TTLL11: variants seen among roughly 807,000 people sequenced by gnomAD.
TTLL11 encodes tubulin tyrosine ligase like 11, also known as tubulin polyglutamylase TTLL11.
In TTLL11, 42 loss-of-function variants were observed where a neutral mutation model predicts 51.7. The observed-to-expected ratio is 0.81, with a 90% confidence interval of 0.64 to 1.05. TTLL11 has a LOEUF of 1.05. Ranked by LOEUF, TTLL11 falls within the 50% of genes least tolerant of loss-of-function variation. The pLI is 0.00. For missense variants in TTLL11, 799 were observed against 940.4 expected (o/e 0.85, Z 1.97); for synonymous variants, 381 against 383.5 (o/e 0.99, Z 0.08).
chr9:121,826,868 C>T (rs1836825175), intron 8 of TTLL11, among the ~76,000 whole-genome samples: 1 of 151,946 alleles, frequency 6.6e-6, no homozygotes, highest in East Asian at 1.9e-4. Flanking sequence ...GGGTGGTCGA[C>T]TGGGCTGAGA....
chr9:122,071,900 C>T (rs1007116822), intron 1 of TTLL11, among the ~76,000 whole-genome samples: 6 of 152,162 alleles, frequency 3.9e-5, no homozygotes, highest in African/African-American at 1.4e-4. Flanking sequence ...ACCAGCTGCT[C>T]GCCAGATGTT....
At chr9:121,935,607 GTAAGGAGAATGAAACAGATGGAAGT>G (rs1290029792) in intron 6 of TTLL11, among the ~76,000 whole-genome samples, 1 of 152,240 alleles carries the variant, frequency 6.6e-6, no homozygotes, top group Non-Finnish European at 1.5e-5. Context: ...TTTGGCTGCT[GTAAGGAGAATGAAACAGATGGAAGT>G]TAAGAGTGGA....
At chr9:121,969,563 A>G (rs950002268) in intron 6 of TTLL11, among the ~76,000 whole-genome samples, 1 of 152,204 alleles carries the variant, frequency 6.6e-6, no homozygotes, top group African/African-American at 2.4e-5. Context: ...TGTGTGAGGA[A>G]GTGAAGACCC....
At chr9:121,829,367 G>A (rs1343910520) in intron 8 of TTLL11, among the ~76,000 whole-genome samples, 1 of 152,050 alleles carries the variant, frequency 6.6e-6, no homozygotes, top group South Asian at 2.1e-4. Flanking sequence ...GAAGACATCC[G>A]GCCCCATCCA....
intron 7 of TTLL11, among the ~76,000 whole-genome samples, chr9:121,863,507 C>T (rs866924849): frequency 1.3e-5 from 2 of 152,142 alleles, no homozygotes; most frequent in African/African-American, 2.4e-5. Context: ...AGTGTCAAAC[C>T]TTTAGCAGGA....
intron 3 of TTLL11, among the ~76,000 whole-genome samples, chr9:122,026,298 C>T (rs1317500746): frequency 6.6e-6 from 1 of 151,036 alleles, no homozygotes; most frequent in African/African-American, 2.5e-5. Flanking sequence ...ATTAGCTGGA[C>T]ATGGTGGCAC....
In TTLL11 at chr9:121,817,407, G is replaced by C. The variant is rs1481822554; in HGVS notation, c.*5180C>G. Reference sequence around the variant, plus strand: ...TCCCTTCACACTTTGTAGGAAGCCAGTAGCCAGGCTGAAGATAACACTACG... The same window carrying C: ...TCCCTTCACACTTTGTAGGAAGCCACTAGCCAGGCTGAAGATAACACTACG... On this transcript the variant is annotated 3_prime_UTR_variant, in exon 9 of 9. Transcript: ENST00000321582. 1 of 152,232 alleles carries C rather than the reference G, an allele frequency of 6.6e-6. No individual in the cohort carries two copies. Among genetic ancestry groups the C allele is most frequent in the Non-Finnish European group, 1.5e-5 (1 of 68,036 alleles). 9.4% of individuals were successfully genotyped at this position (152,232 alleles called of 1,614,324 possible). A position where few individuals can be genotyped will look rare whatever the true frequency, so the allele number is the denominator to read the frequency against.
rs746052816 is a variant in TTLL11, at chr9:121,853,176, C to A, written c.1840+7161G>T. On this transcript the variant is annotated intron_variant, in intron 8 of 8. Coordinates refer to ENST00000321582, the MANE Select transcript of TTLL11 (RefSeq NM_001139442.2). The surrounding 1 kb of genome is among the most constrained non-coding windows in gnomAD (Gnocchi z 5.6). Reference sequence around the variant, plus strand: ...CACCCATGGGATTGGTGGGTTGCCGCGGCTGAGCCCTGGTCCATGGGACAT... The same window carrying A: ...CACCCATGGGATTGGTGGGTTGCCGAGGCTGAGCCCTGGTCCATGGGACAT... Among the ~76,000 whole-genome samples the A allele has an allele frequency of 2.0e-5, 3 of 152,296 alleles. No individual in the cohort carries two copies. The highest frequency in any genetic ancestry group is 7.2e-5 in the African/African-American group (3 of 41,558).
intron 6 of TTLL11, among the ~76,000 whole-genome samples, chr9:121,972,593 G>C (rs933547779): frequency 6.6e-6 from 1 of 152,244 alleles, no homozygotes; most frequent in Non-Finnish European, 1.5e-5. Flanking sequence ...CAAGAACTCA[G>C]CCGGGCCGGC....
chr9:121,826,522 T>C (rs1588050724), intron 8 of TTLL11, among the ~76,000 whole-genome samples: 1 of 61,578 alleles, frequency 1.6e-5, no homozygotes, highest in African/African-American at 7.3e-5. Context: ...TATGTATATA[T>C]ATATATGTGT....
At chr9:121,873,696 T>C (rs1211573807) in intron 6 of TTLL11, among the ~76,000 whole-genome samples, 3 of 151,790 alleles carry the variant, frequency 2.0e-5, no homozygotes, top group Admixed American at 6.6e-5. Context: ...GCTCACTTTG[T>C]CACCCAGGCT....
intron 6 of TTLL11, among the ~76,000 whole-genome samples, chr9:121,945,493 C>A (rs368043632): frequency 9.2e-5 from 14 of 152,320 alleles, no homozygotes; most frequent in African/African-American, 2.4e-4. Context: ...CTGAGCATGC[C>A]TCTGCCATTC....
chr9:121,917,835 A>G (rs1840395683), intron 6 of TTLL11, among the ~76,000 whole-genome samples: 1 of 152,256 alleles, frequency 6.6e-6, no homozygotes, highest in Non-Finnish European at 1.5e-5. Flanking sequence ...TTAAAAATCC[A>G]CTAGAATTAA....
chr9:121,974,808 T>C, intron 5 of TTLL11, 76 bp downstream of exon 5: 1 of 1,141,470 alleles, frequency 8.8e-7, no homozygotes, highest in Non-Finnish European at 1.2e-6. Flanking sequence ...AATCTTGTTT[T>C]GTTAAGTGAG....
At chr9:121,823,166 A>G (rs913094349) in intron 8 of TTLL11, among the ~76,000 whole-genome samples, 3 of 152,246 alleles carry the variant, frequency 2.0e-5, no homozygotes, top group African/African-American at 7.2e-5. Flanking sequence ...AGTCTCAGAG[A>G]CACGGAGAGA....
At chr9:121,928,772 A>G (rs1373952453) in intron 6 of TTLL11, among the ~76,000 whole-genome samples, 3 of 151,574 alleles carry the variant, frequency 2.0e-5, no homozygotes, top group Non-Finnish European at 4.4e-5. Flanking sequence ...GGGTCTTGCT[A>G]TGTTTCCCAG....
At chr9:121,993,258 T>C (rs4440688) in intron 3 of TTLL11, among the ~76,000 whole-genome samples, 4 of 152,240 alleles carry the variant, frequency 2.6e-5, no homozygotes, top group African/African-American at 4.8e-5. Context: ...TTAACATACA[T>C]ACAATGTACA....
chr9:121,874,298 C>A (rs1349802707), intron 6 of TTLL11, among the ~76,000 whole-genome samples: 1 of 152,182 alleles, frequency 6.6e-6, no homozygotes, highest in Admixed American at 6.5e-5. Flanking sequence ...TGCACCCGAC[C>A]CACCACCCCA....
intron 1 of TTLL11, among the ~76,000 whole-genome samples, chr9:122,087,383 C>T (rs1846152487): frequency 6.6e-6 from 1 of 152,078 alleles, no homozygotes; most frequent in African/African-American, 2.4e-5. Context: ...TGCACATAAC[C>T]CCTATTTAAT....
Sources: gnomAD v4.1 joint callset for allele counts (sites outside exome capture counted in the v4.1 genomes callset) on GRCh38, gnomAD v4.1.1 for gene constraint, Gnocchi (gnomAD v3.1) non-coding constraint, MANE v1.5 for transcripts, NCBI Gene and HGNC (gene_info 2026-07-23, HGNC 2026-07-21) for gene names.